The following SLC44A5 variants were observed in gnomAD, a reference collection of about 807,000 sequenced individuals.
The protein encoded by SLC44A5 is choline transporter-like protein 5.
In SLC44A5, 57 loss-of-function variants were observed where a neutral mutation model predicts 101.8. The observed-to-expected ratio is 0.56, with a 90% CI of 0.45 to 0.70. The LOEUF is 0.70. Among genes scored for constraint, SLC44A5 ranks in the 30% least tolerant of loss-of-function variants. SLC44A5 has a pLI of 0.00. For missense variants in SLC44A5, 737 were observed against 853.1 expected, an observed-to-expected ratio of 0.86 and a Z score of 1.70; for synonymous variants, 281 against 290.9, an observed-to-expected ratio of 0.97 and a Z score of 0.35.
rs536024257 is a variant in SLC44A5, at chr1:75,545,003, C to T, written c.-69-3487G>A. 7.5e-4 allele frequency among the ~76,000 whole-genome samples: 114 copies of T among 152,132 alleles called. 1 individual carries two copies. Among genetic ancestry groups the T allele is most frequent in the Middle Eastern group, 3.4e-3 (1 of 294 alleles). ...GGTATTTCTCCTAATGCTATCCGTC[C>T]CCTAGCCCCCCACCCTCCAAAAGGC... On this transcript the variant is annotated intron_variant, in intron 1 of 23. Transcript: ENST00000370859.
the SLC44A5 span, among the ~76,000 whole-genome samples, chr1:75,669,195 TA>T: frequency 2.0e-5 from 3 of 151,622 alleles, no homozygotes; most frequent in Admixed American, 2.0e-4. Flanking sequence ...AGCTGGAAGA[TA>T]AAAAAAATTC....
intron 3 of SLC44A5, among the ~76,000 whole-genome samples, chr1:75,363,449 CTACTT>C (rs1024795778): frequency 6.6e-6 from 1 of 151,708 alleles, no homozygotes; most frequent in Non-Finnish European, 1.5e-5. Context: ...TTTTGTGAAA[CTACTT>C]TAGGTTTTTA....
the SLC44A5 span, among the ~76,000 whole-genome samples, chr1:75,683,363 C>G: frequency 6.6e-6 from 1 of 152,058 alleles, no homozygotes; most frequent in South Asian, 2.1e-4. Flanking sequence ...ACCCAAATGT[C>G]CAACAATGAT....
intron 5 of SLC44A5, among the ~76,000 whole-genome samples, chr1:75,283,167 A>ATTTT (rs34311674): frequency 8.0e-5 from 12 of 150,578 alleles, no homozygotes; most frequent in African/African-American, 2.9e-4. Context: ...ATCAGCATCT[A>ATTTT]TTTTTTTTTT....
chr1:75,225,509 A>T (rs917827808), intron 13 of SLC44A5, among the ~76,000 whole-genome samples: 5 of 152,182 alleles, frequency 3.3e-5, no homozygotes, highest in African/African-American at 1.2e-4. Context: ...CTGTAACTTA[A>T]CAAAGGATGA....
At chr1:75,411,396 C>A (rs1056097648) in intron 2 of SLC44A5, among the ~76,000 whole-genome samples, 1 of 152,038 alleles carries the variant, frequency 6.6e-6, no homozygotes, top group African/African-American at 2.4e-5. Context: ...TTTTCACCTG[C>A]CTTTGGAGAA....
chr1:75,453,919 T>C (rs1666041557), intron 2 of SLC44A5, among the ~76,000 whole-genome samples: 1 of 151,876 alleles, frequency 6.6e-6, no homozygotes, highest in African/African-American at 2.4e-5. Context: ...TAGCTACCAA[T>C]GAAAAGAAGC....
chr1:75,689,114 G>A, the SLC44A5 span, among the ~76,000 whole-genome samples: 4 of 152,160 alleles, frequency 2.6e-5, no homozygotes, highest in African/African-American at 9.7e-5. Context: ...CACCTGGATG[G>A]TACTGCCTCA....
At chr1:75,632,381 C>CT in the SLC44A5 span, among the ~76,000 whole-genome samples, 749 of 147,618 alleles carry the variant, frequency 5.1e-3, 6 homozygotes, top group South Asian at 0.021. Context: ...GGAGCTACTT[C>CT]TTTTTTTTTT....
chr1:75,629,716 G>A, the SLC44A5 span, among the ~76,000 whole-genome samples: 1 of 152,116 alleles, frequency 6.6e-6, no homozygotes, highest in Non-Finnish European at 1.5e-5. Context: ...ATATGAGAAA[G>A]AAGGATACAA....
intron 4 of SLC44A5, among the ~76,000 whole-genome samples, chr1:75,317,558 A>G (rs1655790744): frequency 6.6e-6 from 1 of 152,202 alleles, no homozygotes; most frequent in Admixed American, 6.5e-5. Context: ...TAAAAGCACT[A>G]TTCTGGTGGG....
At chr1:75,297,827 A>C in intron 5 of SLC44A5, among the ~76,000 whole-genome samples, 1 of 152,172 alleles carries the variant, frequency 6.6e-6, no homozygotes, top group East Asian at 1.9e-4. Context: ...CACTTGAACA[A>C]AGGTTCTGTT....
the SLC44A5 span, among the ~76,000 whole-genome samples, chr1:75,665,941 TG>T: frequency 6.6e-6 from 1 of 152,074 alleles, no homozygotes; most frequent in Admixed American, 6.6e-5. Flanking sequence ...CCAGTCAGAA[TG>T]GCTACTATTA....
Position 75,541,464 on chromosome 1 carries a change from C to T in SLC44A5, c.-17G>A. 1 of 1,611,830 alleles carries T rather than the reference C, an allele frequency of 6.2e-7. No homozygotes were observed. The highest frequency in any genetic ancestry group is 8.5e-7 in the Non-Finnish European group (1 of 1,178,592). On this transcript the variant is annotated 5_prime_UTR_variant, in exon 2 of 24. Transcript: ENST00000370859. ...GTCATTCATTGAGATAAAAGGCTGT[C>T]TCTTCAGAAGTAGGCCTGAATCACT...
intron 2 of SLC44A5, among the ~76,000 whole-genome samples, chr1:75,476,971 G>A (rs1048271111): frequency 5.7e-4 from 87 of 152,346 alleles, no homozygotes; most frequent in Non-Finnish European, 5.9e-5. Flanking sequence ...CCTGACCCCT[G>A]ACCCCTGAGC....
At chr1:75,547,953 G>A (rs1671738828) in intron 1 of SLC44A5, among the ~76,000 whole-genome samples, 1 of 152,144 alleles carries the variant, frequency 6.6e-6, no homozygotes, top group Admixed American at 6.5e-5. Context: ...AGAACCCTCA[G>A]TTTTTTAGGG....
chr1:75,567,091 C>A (rs1672824311), intron 1 of SLC44A5, among the ~76,000 whole-genome samples: 1 of 152,310 alleles, frequency 6.6e-6, no homozygotes, highest in African/African-American at 2.4e-5. Context: ...TATATGATCT[C>A]TTTCAGCCTC....
chr1:75,521,076 G>GATGTACAT (rs1431669568), intron 2 of SLC44A5, among the ~76,000 whole-genome samples: 2 of 152,048 alleles, frequency 1.3e-5, no homozygotes, highest in Admixed American at 1.3e-4. Context: ...CTCAAAATGG[G>GATGTACAT]ATGTACATAC....
In SLC44A5 at chr1:75,218,580, G is replaced by A; in HGVS notation, c.1439C>T (p.Ala480Val). ...FVIALGQCAL[A>V]GAFATYYWAM... ...CCAGTAATAAGTAGCGAATGCACCA[G>A]CAAGGGCGCACTGACCTAATGCAAT... Residue 480 changes from alanine to valine, a missense_variant, in exon 17 of 24, where the codon GCT becomes GTT. Ala to Val is a moderately conservative substitution (Grantham distance 64). Coordinates refer to ENST00000370859, the MANE Select transcript of SLC44A5 (RefSeq NM_001130058.2). 6.2e-7 allele frequency: 1 copy of A among 1,613,834 alleles called. No individual in the cohort carries two copies. Among genetic ancestry groups the A allele is most frequent in the Non-Finnish European group, 8.5e-7 (1 of 1,179,786 alleles).
Sources: gnomAD v4.1 joint callset for allele counts (sites outside exome capture counted in the v4.1 genomes callset) on GRCh38, gnomAD v4.1.1 for gene constraint, MANE v1.5 for transcripts, NCBI Gene and HGNC (gene_info 2026-07-23, HGNC 2026-07-21) for gene names.